The following ABLIM1 variants were observed in gnomAD, a reference collection of about 807,000 sequenced individuals.
ABLIM1 encodes actin-binding LIM protein 1.
Under a neutral mutation model 107.0 loss-of-function variants are expected in ABLIM1, and 40 were observed. The observed-to-expected ratio is 0.37, with a 90% CI of 0.29 to 0.49. The LOEUF (loss-of-function observed/expected upper bound fraction) is 0.49. Ranked by LOEUF, ABLIM1 falls within the 20% of genes least tolerant of loss-of-function variation. The pLI is 0.97. For synonymous variants in ABLIM1, 357 were observed against 357.3 expected (o/e 1.00, Z 0.01); for missense variants, 857 against 1,008.5 (o/e 0.85, Z 2.04).
At chr10:114,704,303 T>TCTCC (rs369695963) in intron 1 of ABLIM1, among the ~76,000 whole-genome samples, 2 of 18,280 alleles carry the variant, frequency 1.1e-4, no homozygotes, top group African/African-American at 2.8e-4. Flanking sequence ...TCTCTCTCTC[T>TCTCC]ATATATATAT....
chr10:114,724,458 A>AG (rs2081915833), intron 1 of ABLIM1, among the ~76,000 whole-genome samples: 1 of 152,188 alleles, frequency 6.6e-6, no homozygotes. Flanking sequence ...TTTCTGCCTC[A>AG]GGCCATGAAA....
chr10:114,513,804 T>C (rs2136131915), intron 6 of ABLIM1, among the ~76,000 whole-genome samples: 1 of 152,274 alleles, frequency 6.6e-6, no homozygotes, highest in South Asian at 2.1e-4. Context: ...TACCAAGAAA[T>C]CTATCTTTTG....
intron 6 of ABLIM1, among the ~76,000 whole-genome samples, chr10:114,528,248 G>T (rs1387860053): frequency 1.3e-5 from 2 of 152,154 alleles, no homozygotes; most frequent in Non-Finnish European, 2.9e-5. Context: ...GCAATTATAG[G>T]TGTGAGCCAC....
chr10:114,517,946 G>A (rs1280391524), intron 6 of ABLIM1, among the ~76,000 whole-genome samples: 1 of 152,064 alleles, frequency 6.6e-6, no homozygotes, highest in Admixed American at 6.5e-5. Flanking sequence ...ATCTGTGTCT[G>A]CTGGTAGTTA....
intron 1 of ABLIM1, among the ~76,000 whole-genome samples, chr10:114,715,348 G>A (rs192709687): frequency 3.3e-5 from 5 of 152,206 alleles, no homozygotes; most frequent in Non-Finnish European, 7.4e-5. Context: ...ATCAGTATCC[G>A]AGCCCCTTCC....
chr10:114,670,468 C>T (rs1393465894), intron 1 of ABLIM1, among the ~76,000 whole-genome samples: 3 of 152,094 alleles, frequency 2.0e-5, no homozygotes, highest in Non-Finnish European at 2.9e-5. Context: ...ATCCAGAAAC[C>T]ACTATTAATT....
At chr10:114,501,086 C>T (rs1201584365) in intron 6 of ABLIM1, among the ~76,000 whole-genome samples, 1 of 152,206 alleles carries the variant, frequency 6.6e-6, no homozygotes, top group Non-Finnish European at 1.5e-5. Context: ...AAAAGATCAA[C>T]TTCTTCTGTG....
At chr10:114,706,792 C>T (rs1392101314) in intron 1 of ABLIM1, among the ~76,000 whole-genome samples, 1 of 152,116 alleles carries the variant, frequency 6.6e-6, no homozygotes, top group African/African-American at 2.4e-5. Flanking sequence ...AATCCTAATA[C>T]TCATTTCTTA....
chr10:114,644,796 C>T (rs929702408), intron 1 of ABLIM1, among the ~76,000 whole-genome samples: 3 of 152,142 alleles, frequency 2.0e-5, no homozygotes, highest in Non-Finnish European at 2.9e-5. Flanking sequence ...AAAGTTAGGC[C>T]AGGCCAGGTG....
chr10:114,438,737 C>T (rs1377208577), intron 21 of ABLIM1, among the ~76,000 whole-genome samples: 1 of 152,130 alleles, frequency 6.6e-6, no homozygotes, highest in East Asian at 1.9e-4. Context: ...AGCATGAGCC[C>T]TTGGACAACT....
the ABLIM1 span, among the ~76,000 whole-genome samples, chr10:114,786,863 A>C: frequency 6.6e-6 from 1 of 152,156 alleles, no homozygotes; most frequent in Non-Finnish European, 1.5e-5. Flanking sequence ...ACCTCCCAGC[A>C]GCCTGCCTTG....
At chr10:114,767,610 T>A (rs2082928449) in intron 1 of ABLIM1, among the ~76,000 whole-genome samples, 1 of 124,078 alleles carries the variant, frequency 8.1e-6, no homozygotes, top group Non-Finnish European at 1.9e-5. Context: ...AGGTGGGGAA[T>A]TTACTTTTTT....
intron 2 of ABLIM1, among the ~76,000 whole-genome samples, chr10:114,595,852 A>G (rs1365983342): frequency 6.6e-6 from 1 of 152,192 alleles, no homozygotes; most frequent in African/African-American, 2.4e-5. Flanking sequence ...ACACACAGTT[A>G]TATAGCTTCA....
intron 1 of ABLIM1, among the ~76,000 whole-genome samples, chr10:114,606,932 C>A (rs2076456655): frequency 6.6e-6 from 1 of 152,092 alleles, no homozygotes; most frequent in Non-Finnish European, 1.5e-5. Context: ...AACCTTGATT[C>A]TGCCCTCTCC....
In ABLIM1 at chr10:114,473,052, A is replaced by C. The variant is rs769441146; in HGVS notation, c.1200T>G (p.Arg400=). 1 of 1,613,710 alleles carries C rather than the reference A, an allele frequency of 6.2e-7. No individual in the cohort carries two copies. ...PKVKAIYDIE[R]PDLITYEPFY... ...AAGGCTCATAGGTAATAAGATCTGG[A>C]CGTTCAATGTCATAAATTGCCTTGA... Residue 400 remains arginine, a synonymous_variant, in exon 10 of 23, where the codon CGT becomes CGG. Transcript: ENST00000533213.
At chr10:114,692,202 T>C (rs2081094115) in intron 1 of ABLIM1, among the ~76,000 whole-genome samples, 1 of 152,236 alleles carries the variant, frequency 6.6e-6, no homozygotes, top group South Asian at 2.1e-4. Flanking sequence ...AGTTAACAAT[T>C]CTGCTGACAG....
intron 5 of ABLIM1, 57 bp from the exon 6 acceptor site, chr10:114,545,155 AC>A: frequency 6.8e-7 from 1 of 1,474,148 alleles, no homozygotes. Flanking sequence ...TGGAGAAGAC[AC>A]CAAAACCACA....
At chr10:114,768,259 G>A (rs1309252847), upstream of ABLIM1, among the ~76,000 whole-genome samples, 2 of 146,902 alleles carry the variant, frequency 1.4e-5, no homozygotes, top group African/African-American at 4.9e-5. Context: ...CGCAGCGGCC[G>A]CAGGGACCCG....
chr10:114,747,244 G>C (rs1298703239), intron 1 of ABLIM1, among the ~76,000 whole-genome samples: 1 of 152,188 alleles, frequency 6.6e-6, no homozygotes, highest in African/African-American at 2.4e-5. Context: ...AGACAGAAAA[G>C]TGAAGTGGGC....
Sources: gnomAD v4.1 joint callset for allele counts (sites outside exome capture counted in the v4.1 genomes callset) on GRCh38, gnomAD v4.1.1 for gene constraint, MANE v1.5 for transcripts, NCBI Gene and HGNC (gene_info 2026-07-23, HGNC 2026-07-21) for gene names.